The following GSK3B variants were observed in gnomAD, a reference collection of about 807,000 sequenced individuals.
GSK3B encodes the protein glycogen synthase kinase-3 beta.
GSK3B carries 15 observed loss-of-function variants against 56.4 expected under a neutral mutation model. The ratio of observed to expected loss-of-function variants is 0.27; its 90% CI spans 0.18 to 0.41. The LOEUF (loss-of-function observed/expected upper bound fraction) is 0.41, where lower values mean the gene tolerates loss of function less well. GSK3B is among the 10% of genes least tolerant of loss of function. GSK3B has a pLI of 1.00. For missense variants in GSK3B, 300 were observed against 513.4 expected, an observed-to-expected ratio of 0.58 and a Z score of 4.02; for synonymous variants, 181 against 188.9, an observed-to-expected ratio of 0.96 and a Z score of 0.34.
chr3:120,041,347 C>A, intron 1 of GSK3B: 2 of 314,326 alleles, frequency 6.4e-6, no homozygotes, highest in South Asian at 3.8e-5. Context: ...TGGGCCAGTG[C>A]TGGAAGTAGA....
intron 1 of GSK3B, among the ~76,000 whole-genome samples, chr3:120,038,409 T>C (rs1394098370): frequency 6.6e-6 from 1 of 152,120 alleles, no homozygotes; most frequent in Non-Finnish European, 1.5e-5. Context: ...ACACCTATGA[T>C]ACCAACTACG....
intron 9 of GSK3B, among the ~76,000 whole-genome samples, chr3:119,846,355 C>T (rs148172695): frequency 6.6e-6 from 1 of 152,102 alleles, no homozygotes; most frequent in African/African-American, 2.4e-5. Flanking sequence ...TCAGAACAGG[C>T]AACCTACAGA....
At chr3:119,839,830 C>T (rs1445927386) in intron 10 of GSK3B, among the ~76,000 whole-genome samples, 1 of 152,142 alleles carries the variant, frequency 6.6e-6, no homozygotes, top group East Asian at 1.9e-4. Flanking sequence ...TCAAGTATGA[C>T]AACTAGTTTA....
At chr3:120,020,853 T>C (rs1258150994) in intron 1 of GSK3B, among the ~76,000 whole-genome samples, 1 of 152,168 alleles carries the variant, frequency 6.6e-6, no homozygotes, top group Non-Finnish European at 1.5e-5. Flanking sequence ...TGAAGGAAAT[T>C]AAAAGTGCTA....
At chr3:120,003,432 C>T (rs2057697219) in intron 1 of GSK3B, among the ~76,000 whole-genome samples, 1 of 152,226 alleles carries the variant, frequency 6.6e-6, no homozygotes, top group South Asian at 2.1e-4. Flanking sequence ...ACTGTTTCTT[C>T]TCTCTTCCCT....
chr3:119,942,943 C>T (rs1265310148), intron 3 of GSK3B, among the ~76,000 whole-genome samples: 2 of 152,112 alleles, frequency 1.3e-5, no homozygotes, highest in Admixed American at 6.5e-5. Flanking sequence ...ATAGAGTATA[C>T]GAATTGACTA....
intron 2 of GSK3B, among the ~76,000 whole-genome samples, chr3:119,985,346 G>C (rs2057505870): frequency 6.6e-6 from 1 of 152,182 alleles, no homozygotes; most frequent in Non-Finnish European, 1.5e-5. Flanking sequence ...GGGCAATCAG[G>C]CAAGAGAAAG....
chr3:119,827,827 A>G (rs1437664012), intron 10 of GSK3B, among the ~76,000 whole-genome samples: 2 of 150,622 alleles, frequency 1.3e-5, no homozygotes. Context: ...AGAGGTTGGG[A>G]AGGGTAGCGG....
intron 3 of GSK3B, among the ~76,000 whole-genome samples, chr3:119,925,593 T>A (rs938543649): frequency 6.6e-6 from 1 of 152,122 alleles, no homozygotes; most frequent in South Asian, 2.1e-4. Context: ...AAAACAAAAA[T>A]GGTCCTGTAC....
intron 2 of GSK3B, among the ~76,000 whole-genome samples, chr3:119,978,371 A>G (rs2057428716): frequency 6.6e-6 from 1 of 152,146 alleles, no homozygotes; most frequent in South Asian, 2.1e-4. Context: ...CCTAAAACCA[A>G]TATATATTCT....
At chr3:119,891,637 A>C (rs2056503453) in intron 7 of GSK3B, among the ~76,000 whole-genome samples, 1 of 152,152 alleles carries the variant, frequency 6.6e-6, no homozygotes, top group Admixed American at 6.5e-5. Flanking sequence ...TTTAGACTAA[A>C]GACATATATT....
chr3:120,091,963 A>C (rs562945487), intron 1 of GSK3B, among the ~76,000 whole-genome samples: 2 of 152,320 alleles, frequency 1.3e-5, no homozygotes, highest in South Asian at 2.1e-4. Flanking sequence ...GTTGCCTAAG[A>C]ATATAATCAA....
chr3:120,081,528 AGAGC>A (rs2058419763), intron 1 of GSK3B, among the ~76,000 whole-genome samples: 1 of 152,210 alleles, frequency 6.6e-6, no homozygotes, highest in African/African-American at 2.4e-5. Flanking sequence ...GCCTGGCAAC[AGAGC>A]GAGACTCCAT....
chr3:119,960,150 A>AC (rs1422213723), intron 2 of GSK3B, among the ~76,000 whole-genome samples: 2 of 112,710 alleles, frequency 1.8e-5, no homozygotes, highest in African/African-American at 7.0e-5. Context: ...CTATGCTGAG[A>AC]CAAAAAAAAA....
In GSK3B at chr3:120,078,353, C is replaced by T. The variant is rs1009142502; in HGVS notation, c.88+14994G>A. Among the ~76,000 whole-genome samples, 5 of 152,058 alleles carry T rather than the reference C, an allele frequency of 3.3e-5. No individual in the cohort carries two copies. In the South Asian group the frequency reaches 1.0e-3, roughly 32 times the overall value. ...CAAGCTATACAACTTATATTGATACCATAGCCCACACAGTGCCGGAAGACA... is the reference window on the plus strand; with the variant it reads ...CAAGCTATACAACTTATATTGATACTATAGCCCACACAGTGCCGGAAGACA... On this transcript the variant is annotated intron_variant, in intron 1 of 10. Transcript: ENST00000264235.
intron 1 of GSK3B, among the ~76,000 whole-genome samples, chr3:120,012,193 C>T (rs2057784358): frequency 6.6e-6 from 1 of 152,100 alleles, no homozygotes; most frequent in Non-Finnish European, 1.5e-5. Flanking sequence ...TAAAACTGTA[C>T]AACAGTTGAT....
intron 2 of GSK3B, among the ~76,000 whole-genome samples, chr3:119,979,422 C>A (rs1377948043): frequency 6.6e-6 from 1 of 152,112 alleles, no homozygotes; most frequent in African/African-American, 2.4e-5. Flanking sequence ...CCTGTCCAAA[C>A]CCTCCACCCT....
Position 119,826,647 on chromosome 3 carries a change from C to T in GSK3B, c.*141G>A. ...ATTTTACAAGGTTAAATAAGAACAA[C>T]AATAATAATAAAAAAATTGAACACT... On this transcript the variant is annotated 3_prime_UTR_variant, in exon 11 of 11. Coordinates refer to ENST00000264235, the MANE Select transcript of GSK3B (RefSeq NM_001146156.2). 1.8e-6 allele frequency: 1 copy of T among 549,724 alleles called. No homozygotes were observed. The highest frequency in any genetic ancestry group is 3.5e-6 in the Non-Finnish European group (1 of 282,118). The allele number at this position is 549,724 out of a possible 1,614,324, so 34.1% of individuals were successfully genotyped here.
intron 7 of GSK3B, among the ~76,000 whole-genome samples, chr3:119,892,203 C>T (rs763974087): frequency 2.0e-5 from 3 of 152,110 alleles, no homozygotes; most frequent in African/African-American, 4.8e-5. Context: ...TTAGAAATGT[C>T]GCTACTCCGC....
Sources: allele counts gnomAD v4.1 joint callset (sites outside exome capture counted in the v4.1 genomes callset), GRCh38; gene constraint gnomAD v4.1.1; transcripts MANE v1.5; gene names NCBI Gene and HGNC (gene_info 2026-07-23, HGNC 2026-07-21).